The following DGKH variants were observed in gnomAD, a reference collection of about 807,000 sequenced individuals.
The protein encoded by DGKH is diacylglycerol kinase eta.
In DGKH, 90 loss-of-function variants were observed where a neutral mutation model predicts 159.3. The observed-to-expected ratio is 0.57, with a 90% CI of 0.48 to 0.67. DGKH has a LOEUF of 0.67. DGKH is among the 30% of genes least tolerant of loss of function. DGKH has a pLI of 0.00. For missense variants in DGKH, 1,181 were observed against 1,506.1 expected, an observed-to-expected ratio of 0.78 and a Z score of 3.57; for synonymous variants, 536 against 553.8, an observed-to-expected ratio of 0.97 and a Z score of 0.45.
Position 42,235,400 on chromosome 13 carries a change from A to T in DGKH, c.*6212A>T, listed in dbSNP as rs6561042. 1 of 151,996 alleles carries T rather than the reference A, an allele frequency of 6.6e-6. No individual in the cohort carries two copies. The highest frequency in any genetic ancestry group is 1.5e-5 in the Non-Finnish European group (1 of 67,950). 9.4% of individuals were successfully genotyped at this position (151,996 alleles called of 1,614,324 possible). ...ATTTTATAAATAGTCTGGGTATTTC[A>T]TAGGAACTGCATTTCAAAAGTGAAT... On this transcript the variant is annotated 3_prime_UTR_variant, in exon 30 of 30. Transcript: ENST00000337343.
chr13:42,070,420 C>T, intron 1 of DGKH: 2 of 1,356,050 alleles, frequency 1.5e-6, no homozygotes, highest in Non-Finnish European at 1.1e-6. Flanking sequence ...AAACAGTCAG[C>T]ATTTCAGCAG....
intron 30 of DGKH, chr13:42,255,945 T>C: frequency 1.2e-6 from 2 of 1,603,392 alleles, no homozygotes; most frequent in Middle Eastern, 1.7e-4. Context: ...TTTGAAGCTC[T>C]GGCTGCTCAT....
intron 3 of DGKH, among the ~76,000 whole-genome samples, chr13:42,145,967 C>T (rs1955717835): frequency 6.6e-6 from 1 of 152,022 alleles, no homozygotes; most frequent in East Asian, 1.9e-4. Context: ...AAATTTTGGT[C>T]ATTTTATTTT....
intron 7 of DGKH, among the ~76,000 whole-genome samples, chr13:42,162,977 G>A (rs1430883550): frequency 6.6e-6 from 1 of 150,574 alleles, no homozygotes; most frequent in Non-Finnish European, 1.5e-5. Context: ...TCATCATTTA[G>A]CATTAGGTAT....
intron 16 of DGKH, among the ~76,000 whole-genome samples, chr13:42,193,802 C>T (rs902792777): frequency 6.6e-6 from 1 of 152,040 alleles, no homozygotes; most frequent in Non-Finnish European, 1.5e-5. Flanking sequence ...ATATAGTTAG[C>T]TTGTAATTAG....
At chr13:42,173,144 A>G (rs749664162) in intron 11 of DGKH, among the ~76,000 whole-genome samples, 44 of 150,764 alleles carry the variant, frequency 2.9e-4, no homozygotes, top group African/African-American at 9.5e-4. Context: ...GCTATTTTTA[A>G]TTTTTTTGTA....
chr13:42,225,746 C>T (rs1261945297), intron 29 of DGKH, among the ~76,000 whole-genome samples: 2 of 143,418 alleles, frequency 1.4e-5, no homozygotes, highest in African/African-American at 5.2e-5. Context: ...GCACTCCAGC[C>T]TGAGTGACAG....
At position 42,229,724 on chromosome 13, in the gene DGKH, C is replaced by T. The variant is rs1368445312; in HGVS notation, c.*536C>T. On this transcript the variant is annotated 3_prime_UTR_variant, in exon 30 of 30. Transcript: ENST00000337343. ...AAATATGTTGAAAACCTTTCCAATACTATGAATGAATGCAAATCTTAATGC... is the reference window on the plus strand; with the variant it reads ...AAATATGTTGAAAACCTTTCCAATATTATGAATGAATGCAAATCTTAATGC... 7 of 152,488 alleles carry T rather than the reference C, an allele frequency of 4.6e-5. No homozygotes were observed. Among genetic ancestry groups the T allele is most frequent in the Non-Finnish European group, 1.0e-4 (7 of 68,172 alleles). 9.4% of individuals were successfully genotyped at this position (152,488 alleles called of 1,614,324 possible).
At chr13:42,105,501 A>T (rs1196582650) in intron 1 of DGKH, among the ~76,000 whole-genome samples, 1 of 152,156 alleles carries the variant, frequency 6.6e-6, no homozygotes, top group Non-Finnish European at 1.5e-5. Flanking sequence ...GATTTTTTTT[A>T]AAAGGCATCC....
At chr13:42,174,269 G>A in intron 12 of DGKH, 125 bp downstream of exon 12, 1 of 797,374 alleles carries the variant, frequency 1.3e-6, no homozygotes. Flanking sequence ...TTTATTTTTG[G>A]GGTATGGTCT....
At chr13:42,173,937 A>G in intron 11 of DGKH, 123 bp from the exon 12 acceptor site, 2 of 533,288 alleles carry the variant, frequency 3.8e-6, no homozygotes, top group South Asian at 3.4e-5. Context: ...ACCATAGTTC[A>G]TGAATGTGTG....
chr13:42,173,971 G>GTA, intron 11 of DGKH, 89 bp from the exon 12 acceptor site: 1 of 793,418 alleles, frequency 1.3e-6, no homozygotes. Flanking sequence ...GTGCGTGTGT[G>GTA]TGTGTGTGTG....
At chr13:42,224,357 A>G (rs1053469681) in intron 29 of DGKH, among the ~76,000 whole-genome samples, 1 of 152,100 alleles carries the variant, frequency 6.6e-6, no homozygotes, top group Non-Finnish European at 1.5e-5. Context: ...CCCCTAACCC[A>G]TCAAGCCCAT....
At chr13:42,207,693 GTGTATA>G (rs1312380271) in intron 21 of DGKH, among the ~76,000 whole-genome samples, 9 of 126,532 alleles carry the variant, frequency 7.1e-5, no homozygotes, top group African/African-American at 2.2e-4. Context: ...TTATTAAAGT[GTGTATA>G]TATATATATA....
At chr13:42,089,793 C>T (rs1306058930) in intron 1 of DGKH, among the ~76,000 whole-genome samples, 1 of 152,158 alleles carries the variant, frequency 6.6e-6, no homozygotes, top group Non-Finnish European at 1.5e-5. Flanking sequence ...ACTTAATCCC[C>T]CTTTGCCACA....
At position 42,172,981 on chromosome 13, in the gene DGKH, C is replaced by CT. The variant is rs1295322684; in HGVS notation, c.1368-1071dup. Among the ~76,000 whole-genome samples the CT allele has an allele frequency of 5.5e-5, 8 of 145,500 alleles. No individual in the cohort carries two copies. The South Asian group carries it at 1.1e-3, about 20-fold the overall frequency. ...TGATTTACTGCACCTGGCCTTTTTT[C>CT]TTTTTTTTGAGACAGGGTCTGGCTC... On this transcript the variant is annotated intron_variant, in intron 11 of 29. Coordinates refer to ENST00000337343, the MANE Select transcript of DGKH (RefSeq NM_178009.5).
At chr13:42,110,805 T>C (rs562431924) in intron 1 of DGKH, among the ~76,000 whole-genome samples, 5 of 152,380 alleles carry the variant, frequency 3.3e-5, no homozygotes, top group African/African-American at 7.2e-5. Context: ...AAAACTGTTA[T>C]GTCTGGTATT....
upstream of DGKH, chr13:42,044,159 C>G (rs1593940234): frequency 1.3e-5 from 2 of 152,230 alleles, no homozygotes; most frequent in African/African-American, 4.8e-5. Context: ...CACCTGGCCT[C>G]TCCTCATTCA....
At chr13:42,094,390 A>G (rs1338143281) in intron 1 of DGKH, among the ~76,000 whole-genome samples, 2 of 152,210 alleles carry the variant, frequency 1.3e-5, no homozygotes, top group African/African-American at 2.4e-5. Context: ...TACAGTTTTC[A>G]TCTTTAAATA....
Sources: gnomAD v4.1 joint callset for allele counts (sites outside exome capture counted in the v4.1 genomes callset) on GRCh38, gnomAD v4.1.1 for gene constraint, MANE v1.5 for transcripts, NCBI Gene and HGNC (gene_info 2026-07-23, HGNC 2026-07-21) for gene names.